Variants in ACO1 observed in about 807,000 individuals in gnomAD.
ACO1 encodes the protein cytoplasmic aconitate hydratase.
Under a neutral mutation model 105.1 loss-of-function variants are expected in ACO1, and 78 were observed. The observed-to-expected ratio is 0.74, with a 90% CI of 0.62 to 0.90. ACO1 has a LOEUF of 0.90. ACO1 is among the 40% of genes least tolerant of loss of function. The pLI, the probability that ACO1 is intolerant of heterozygous loss-of-function variation, is 0.00. For missense variants in ACO1, 965 were observed against 1,111.1 expected (o/e 0.87, Z 1.87); for synonymous variants, 364 against 397.4 (o/e 0.92, Z 1.00).
chr9:32,408,591 AC>A lies in ACO1; in HGVS notation c.347del (p.Pro116LeufsTer8). ...KKLGGDPEKI[N>X]PVCPADLVID... Reference sequence around the variant, plus strand: ...TTAGGAGGAGATCCAGAGAAAATAAACCCTGTCTGCCCTGCTGATCTTGTAA... The same window carrying A: ...TTAGGAGGAGATCCAGAGAAAATAAACCTGTCTGCCCTGCTGATCTTGTAA... On this transcript the variant is annotated frameshift_variant, in exon 4 of 21. Transcript: ENST00000309951. LOFTEE classifies it high-confidence loss of function. 1 of 1,614,200 alleles carries A rather than the reference AC, an allele frequency of 6.2e-7. No homozygotes were observed. The highest frequency in any genetic ancestry group is 8.5e-7 in the Non-Finnish European group (1 of 1,180,024).
At chr9:32,417,911 G>A (rs1278826566) in intron 4 of ACO1, among the ~76,000 whole-genome samples, 1 of 152,148 alleles carries the variant, frequency 6.6e-6, no homozygotes, top group Non-Finnish European at 1.5e-5. Flanking sequence ...CATAGTTAAA[G>A]GCATTGTAGG....
Position 32,420,961 on chromosome 9 carries a change from G to T in ACO1, c.904G>T (p.Glu302Ter), listed in dbSNP as rs140508190. ...DRATIANMCPEYGATAAFFPV... is the reference protein window; with the variant it reads ...DRATIANMCP ...AGCTACGATTGCTAACATGTGTCCAGAGTACGGAGCAACTGCTGCCTTTTT... is the reference window on the plus strand; with the variant it reads ...AGCTACGATTGCTAACATGTGTCCATAGTACGGAGCAACTGCTGCCTTTTT... The change falls in exon 8 of 21, where the codon GAG becomes TAG. Residue 302 changes from glutamate (E) to a stop codon, truncating the protein, a stop_gained. Transcript: ENST00000309951. LOFTEE classifies it high-confidence loss of function. 1.2e-6 allele frequency: 2 copies of T among 1,614,040 alleles called. No homozygotes were observed. The highest frequency in any genetic ancestry group is 1.7e-6 in the Non-Finnish European group (2 of 1,180,030).
At chr9:32,437,663 AGGATGAACAGACATTT>A (rs1303926770) in intron 18 of ACO1, among the ~76,000 whole-genome samples, 2 of 152,228 alleles carry the variant, frequency 1.3e-5, no homozygotes, top group Non-Finnish European at 2.9e-5. Context: ...GACAGAATCA[AGGATGAACAGACATTT>A]GAGTCAAGAC....
chr9:32,389,669 C>CT (rs5897504), intron 1 of ACO1, among the ~76,000 whole-genome samples: 36,221 of 143,456 alleles, frequency 0.25, 4,786 homozygotes, highest in East Asian at 0.46. Flanking sequence ...GCCTTCATTT[C>CT]TTTTTTTTTT....
chr9:32,418,657 T>G (rs571342824), intron 6 of ACO1, 146 bp downstream of exon 6: 2 of 937,188 alleles, frequency 2.1e-6, no homozygotes, highest in African/African-American at 3.3e-5. Flanking sequence ...TTCCAGTGCC[T>G]AGAGAATCAC....
At position 32,439,240 on chromosome 9, in the gene ACO1, T is replaced by C. The variant is rs942376950; in HGVS notation, c.2248-1225T>C. Among the ~76,000 whole-genome samples, 3 of 152,232 alleles carry C rather than the reference T, an allele frequency of 2.0e-5. No homozygotes were observed. Among genetic ancestry groups the C allele is most frequent in the African/African-American group, 7.2e-5 (3 of 41,464 alleles). ...AAATATCAGATAAGTTGTTTCTTTC[T>C]GGTCTTTGAAAGGATCCAGACAATT... On this transcript the variant is annotated intron_variant, in intron 18 of 20. Transcript: ENST00000309951. The surrounding 1 kb of genome is among the most constrained non-coding windows in gnomAD (Gnocchi z 4.0).
intron 8 of ACO1, among the ~76,000 whole-genome samples, 196 bp downstream of exon 8, chr9:32,421,223 A>G (rs1307706550): frequency 1.3e-5 from 2 of 152,196 alleles, no homozygotes; most frequent in Non-Finnish European, 2.9e-5. Flanking sequence ...TATGGCCAAT[A>G]GAAAGAGCTC....
chr9:32,438,817 T>G (rs928760099), intron 18 of ACO1, among the ~76,000 whole-genome samples: 3 of 151,732 alleles, frequency 2.0e-5, no homozygotes, highest in African/African-American at 7.3e-5. Context: ...TATTGGGAGG[T>G]TGGGAAGAAG....
chr9:32,436,669 C>T (rs187236679), intron 18 of ACO1, among the ~76,000 whole-genome samples: 1 of 152,070 alleles, frequency 6.6e-6, no homozygotes, highest in Admixed American at 6.5e-5. Flanking sequence ...TTAAAGTATT[C>T]GAAGGGGAAA....
chr9:32,449,994 A>C lies in ACO1; in HGVS notation c.2557-4A>C. The C allele has an allele frequency of 6.2e-7, 1 of 1,612,476 alleles. No homozygotes were observed. The highest frequency in any genetic ancestry group is 8.5e-7 in the Non-Finnish European group (1 of 1,178,730). ...AATGATGCTTCTGTTTCTTTGTGCC[A>C]CAGCTGGATACTGGCAAGACCTTCC... is the stretch of plus-strand genomic sequence containing the variant. On this transcript the variant is annotated splice_polypyrimidine_tract_variant and splice_region_variant and intron_variant, in intron 20 of 20. Coordinates refer to ENST00000309951, the MANE Select transcript of ACO1 (RefSeq NM_002197.3).
In ACO1 at chr9:32,451,173, G is replaced by A. The variant is rs575676939; in HGVS notation, c.*1062G>A. On this transcript the variant is annotated 3_prime_UTR_variant, in exon 21 of 21. Coordinates refer to ENST00000309951, the MANE Select transcript of ACO1 (RefSeq NM_002197.3). ...TTCTGGGCATGCCTTAGTTTGCTTGGGTTGCTATAATGTAATGCCATAGAC... is the reference window on the plus strand; with the variant it reads ...TTCTGGGCATGCCTTAGTTTGCTTGAGTTGCTATAATGTAATGCCATAGAC... The A allele has an allele frequency of 6.6e-6, 1 of 152,090 alleles. No individual in the cohort carries two copies. The highest frequency in any genetic ancestry group is 6.5e-5 in the Admixed American group (1 of 15,278). 9.4% of individuals were successfully genotyped at this position (152,090 alleles called of 1,614,324 possible). A position where few individuals can be genotyped will look rare whatever the true frequency, so the allele number is the denominator to read the frequency against.
rs113828109 is a variant in ACO1, at chr9:32,430,534, T to A, written c.1686T>A (p.Ile562=). The A allele has an allele frequency of 3.8e-5, 61 of 1,609,058 alleles. No homozygotes were observed. In the African/African-American group the frequency reaches 6.0e-4, roughly 16 times the overall value. Residue 562 remains isoleucine, a synonymous_variant, in exon 14 of 21, where the codon ATT becomes ATA. Coordinates refer to ENST00000309951, the MANE Select transcript of ACO1 (RefSeq NM_002197.3). The part of the protein sequence containing the change: ...ASPPLVIAYA[I]AGTIRIDFEK... ...CCCCCTTAGTAATAGCATATGCAAT[T>A]GCTGGAACCATCAGAATCGACTTTG...
In ACO1 at chr9:32,424,598, A is replaced by G. The variant is rs570643968; in HGVS notation, c.1121A>G (p.Lys374Arg). ...KTVVPCCSGP[K>R]RPQDKVAVSD... Reference sequence around the variant, plus strand: ...GTAGTGCCTTGCTGTAGTGGACCCAAAAGGCCTCAGGACAAAGTTGCTGTG... The same window carrying G: ...GTAGTGCCTTGCTGTAGTGGACCCAGAAGGCCTCAGGACAAAGTTGCTGTG... Residue 374 changes from lysine (K) to arginine (R), a missense_variant, in exon 10 of 21, where the codon AAA becomes AGA. Lys to Arg is a conservative substitution (Grantham distance 26). Coordinates refer to ENST00000309951, the MANE Select transcript of ACO1 (RefSeq NM_002197.3). 3.1e-6 allele frequency: 5 copies of G among 1,614,138 alleles called. No individual in the cohort carries two copies. Among genetic ancestry groups the G allele is most frequent in the Middle Eastern group, 1.7e-4 (1 of 6,060 alleles).
intron 19 of ACO1, among the ~76,000 whole-genome samples, chr9:32,447,393 G>C (rs892656461): frequency 6.6e-6 from 1 of 151,786 alleles, no homozygotes; most frequent in Non-Finnish European, 1.5e-5. Flanking sequence ...CGAAGTTCTC[G>C]TGCTGTGTTT....
At chr9:32,396,628 C>T (rs920641655) in intron 1 of ACO1, among the ~76,000 whole-genome samples, 2 of 152,168 alleles carry the variant, frequency 1.3e-5, no homozygotes, top group African/African-American at 2.4e-5. Flanking sequence ...TGACACTCCC[C>T]ACAGCCCCTG....
intron 4 of ACO1, among the ~76,000 whole-genome samples, chr9:32,411,427 G>A (rs1305554705): frequency 6.6e-6 from 1 of 152,104 alleles, no homozygotes; most frequent in Non-Finnish European, 1.5e-5. Flanking sequence ...TAGAAGCAAC[G>A]AATGAAACAC....
chr9:32,427,919 T>C (rs1215844920), intron 12 of ACO1, among the ~76,000 whole-genome samples: 1 of 152,206 alleles, frequency 6.6e-6, no homozygotes, highest in Non-Finnish European at 1.5e-5. Context: ...TATATCTTTA[T>C]TTCATAAGTT....
In ACO1 at chr9:32,420,933, C is replaced by G. The variant is rs199925403; in HGVS notation, c.876C>G (p.Asp292Glu). ...GPGVAQLSIADRATIANMCPE... is the reference protein window; with the variant it reads ...GPGVAQLSIAERATIANMCPE... ...GAGTAGCCCAGTTGTCCATTGCTGA[C>G]CGAGCTACGATTGCTAACATGTGTC... The change falls in exon 8 of 21, where the codon GAC becomes GAG. Residue 292 changes from aspartate to glutamate, a missense_variant. By Grantham distance (45) the Asp-to-Glu change is conservative (BLOSUM62 2). Coordinates refer to ENST00000309951, the MANE Select transcript of ACO1 (RefSeq NM_002197.3). 5.0e-6 allele frequency: 8 copies of G among 1,614,076 alleles called. No homozygotes were observed. In the Admixed American group the frequency reaches 1.3e-4, roughly 27 times the overall value.
rs1264656360 is a variant in ACO1 at position 32,454,288 on chromosome 9, A to T, written c.*4177A>T. On this transcript the variant is annotated 3_prime_UTR_variant, in exon 21 of 21. Coordinates refer to ENST00000309951, the MANE Select transcript of ACO1 (RefSeq NM_002197.3). ...TCTGGGCGTTCACGCACTGTGCTCCACAGGATACTCTTGAGAAACATTGAG... is the reference window on the plus strand; with the variant it reads ...TCTGGGCGTTCACGCACTGTGCTCCTCAGGATACTCTTGAGAAACATTGAG... 6.6e-6 allele frequency: 1 copy of T among 152,268 alleles called. No homozygotes were observed. Among genetic ancestry groups the T allele is most frequent in the Non-Finnish European group, 1.5e-5 (1 of 68,052 alleles). The allele number at this position is 152,268 out of a possible 1,614,324, so 9.4% of individuals were successfully genotyped here. A position where few individuals can be genotyped will look rare whatever the true frequency, so the allele number is the denominator to read the frequency against.
Sources: gnomAD v4.1 joint callset for allele counts (sites outside exome capture counted in the v4.1 genomes callset) on GRCh38, gnomAD v4.1.1 for gene constraint, Gnocchi (gnomAD v3.1) non-coding constraint, MANE v1.5 for transcripts, NCBI Gene and HGNC (gene_info 2026-07-23, HGNC 2026-07-21) for gene names.